Variants in LRRK2 observed in about 807,000 individuals in gnomAD.
The protein encoded by LRRK2 is leucine rich repeat kinase 2.
A neutral mutation model predicts 302.6 loss-of-function variants in LRRK2; 203 were observed. The observed-to-expected ratio is 0.67, with a 90% confidence interval of 0.60 to 0.75. The LOEUF (loss-of-function observed/expected upper bound fraction) is 0.75, where lower values mean the gene tolerates loss of function less well. Ranked by LOEUF, LRRK2 falls within the 30% of genes least tolerant of loss-of-function variation. The pLI, the probability that LRRK2 is intolerant of heterozygous loss-of-function variation, is 0.00. For synonymous variants in LRRK2, 1,066 were observed against 1,031.9 expected (o/e 1.03, Z -0.63); for missense variants, 2,830 against 2,951.0 (o/e 0.96, Z 0.95).
chr12:40,316,277 G>C (rs765256128), intron 33 of LRRK2: 254 of 979,250 alleles, frequency 2.6e-4, no homozygotes, highest in Non-Finnish European at 2.9e-4. Context: ...TTCCATCTAA[G>C]GAAAAAAAGG....
intron 13 of LRRK2, among the ~76,000 whole-genome samples, 158 bp from the exon 14 acceptor site, chr12:40,263,631 A>C (rs974541883): frequency 5.9e-5 from 9 of 152,192 alleles, no homozygotes; most frequent in Admixed American, 6.6e-5. Flanking sequence ...GATTCCTTAA[A>C]ATTTCTGGTT....
intron 14 of LRRK2, among the ~76,000 whole-genome samples, chr12:40,266,415 TG>T (rs923623650): frequency 2.6e-5 from 4 of 152,234 alleles, no homozygotes; most frequent in African/African-American, 9.6e-5. Context: ...TCATCATCAT[TG>T]GCCATCAGAG....
intron 44 of LRRK2, among the ~76,000 whole-genome samples, chr12:40,353,558 C>T (rs12423774): frequency 0.032 from 4,824 of 149,638 alleles, 218 homozygotes; most frequent in Admixed American, 0.12. Flanking sequence ...CAGGCAGAGA[C>T]GCTCCTCACT....
intron 14 of LRRK2, among the ~76,000 whole-genome samples, chr12:40,268,981 A>G (rs1943129602): frequency 1.3e-5 from 2 of 152,174 alleles, no homozygotes; most frequent in Admixed American, 6.6e-5. Context: ...TGCCAAAACA[A>G]ATTACAGATG....
chr12:40,319,545 C>T (rs935622499), intron 33 of LRRK2, among the ~76,000 whole-genome samples: 2 of 152,118 alleles, frequency 1.3e-5, no homozygotes, highest in African/African-American at 4.8e-5. Context: ...GCTACACAGT[C>T]TGTCTTCCTA....
At chr12:40,323,329 G>C (rs761567200) in intron 38 of LRRK2, 23 bp downstream of exon 38, 1 of 1,590,822 alleles carries the variant, frequency 6.3e-7, no homozygotes. Flanking sequence ...GTTAATTTGA[G>C]AATAAAAATT....
chr12:40,352,222 C>T (rs982495308), intron 44 of LRRK2, among the ~76,000 whole-genome samples: 1 of 139,464 alleles, frequency 7.2e-6, no homozygotes, highest in African/African-American at 2.5e-5. Flanking sequence ...GGCAAGCTGC[C>T]TCCTGTCATC....
At chr12:40,235,602 C>G in intron 3 of LRRK2, 24 bp from the exon 4 acceptor site, 1 of 1,490,514 alleles carries the variant, frequency 6.7e-7, no homozygotes. Context: ...TCATTCTTAT[C>G]TTGATTTCTG....
rs1470358837 is a variant in LRRK2 at position 40,225,218 on chromosome 12, A to G, written c.87A>G (p.Gly29=). The G allele has an allele frequency of 5.6e-6, 9 of 1,614,080 alleles. No individual in the cohort carries two copies. The highest frequency in any genetic ancestry group is 2.7e-5 in the African/African-American group (2 of 74,928). ...LIVRLNNVQE[G]KQIETLVQIL... ...TCAGGCTGAACAATGTCCAGGAAGG[A>G]AAACAGATAGAAACGCTGGTCCAAA... The change falls in exon 1 of 51, where the codon GGA becomes GGG. Residue 29 remains glycine, a synonymous_variant. Coordinates refer to ENST00000298910, the MANE Select transcript of LRRK2 (RefSeq NM_198578.4).
chr12:40,298,857 T>TAA, intron 24 of LRRK2, among the ~76,000 whole-genome samples: 1 of 93,694 alleles, frequency 1.1e-5, no homozygotes, highest in East Asian at 2.7e-4. Flanking sequence ...ATATAATACC[T>TAA]ATATATTATA....
At chr12:40,309,517 A>G (rs1034646782) in intron 30 of LRRK2, among the ~76,000 whole-genome samples, 7 of 152,072 alleles carry the variant, frequency 4.6e-5, no homozygotes, top group Non-Finnish European at 1.0e-4. Context: ...TAATTATATT[A>G]TTTCTTAAAT....
At chr12:40,353,162 C>T (rs1180916517) in intron 44 of LRRK2, among the ~76,000 whole-genome samples, 16 of 150,572 alleles carry the variant, frequency 1.1e-4, no homozygotes, top group African/African-American at 1.2e-4. Flanking sequence ...GGCTGCTGGG[C>T]GGAGGGGCTC....
chr12:40,355,549 T>TCC (rs754028820), intron 45 of LRRK2, among the ~76,000 whole-genome samples: 20 of 100,300 alleles, frequency 2.0e-4, no homozygotes, highest in Non-Finnish European at 3.4e-4. Context: ...TCCTTCTTCT[T>TCC]TTTTTTTTTT....
In LRRK2 at chr12:40,288,195, T is replaced by C. The variant is rs148877054; in HGVS notation, c.2689+656T>C. Among the ~76,000 whole-genome samples, 233 of 151,870 alleles carry C rather than the reference T, an allele frequency of 1.5e-3. 3 individuals are homozygous for C. In the East Asian group the frequency reaches 0.028, roughly 18 times the overall value. On this transcript the variant is annotated intron_variant, in intron 20 of 50. Transcript: ENST00000298910. ...TTGAGAGGGCAAAAAATGAGAGTTG[T>C]TCCAAAATATTGTGTCTCAAGTCAA...
intron 20 of LRRK2, among the ~76,000 whole-genome samples, chr12:40,291,190 A>G (rs973241192): frequency 1.3e-5 from 2 of 151,824 alleles, no homozygotes; most frequent in South Asian, 4.2e-4. Flanking sequence ...CAAAAAACCA[A>G]ACACCGCATG....
intron 47 of LRRK2, among the ~76,000 whole-genome samples, chr12:40,361,561 C>A (rs1946705983): frequency 6.6e-6 from 1 of 151,972 alleles, no homozygotes; most frequent in Middle Eastern, 3.4e-3. Context: ...AAAGAAAGGG[C>A]CTCCAGTTTA....
intron 35 of LRRK2, 74 bp downstream of exon 35, chr12:40,321,262 G>C: frequency 7.2e-7 from 1 of 1,385,714 alleles, no homozygotes; most frequent in Non-Finnish European, 1.0e-6. Flanking sequence ...AGAGAAATTA[G>C]GGAGATGGCA....
intron 27 of LRRK2, among the ~76,000 whole-genome samples, chr12:40,305,169 G>A (rs182780417): frequency 2.4e-4 from 36 of 152,110 alleles, no homozygotes; most frequent in African/African-American, 7.5e-4. Flanking sequence ...AAGTTCTAGC[G>A]TATTGCCTAC....
At chr12:40,277,261 C>T (rs1430112545) in intron 16 of LRRK2, among the ~76,000 whole-genome samples, 1 of 152,140 alleles carries the variant, frequency 6.6e-6, no homozygotes, top group African/African-American at 2.4e-5. Flanking sequence ...GTGAAGAGGA[C>T]AGACTCTGGG....
Sources: allele counts gnomAD v4.1 joint callset (sites outside exome capture counted in the v4.1 genomes callset), GRCh38; gene constraint gnomAD v4.1.1; transcripts MANE v1.5; gene names NCBI Gene and HGNC (gene_info 2026-07-23, HGNC 2026-07-21).